Variants in NTN1 observed in about 807,000 individuals in gnomAD.
NTN1 encodes netrin-1.
NTN1 carries 11 observed loss-of-function variants against 54.2 expected under a neutral mutation model. The ratio of observed to expected loss-of-function variants is 0.20; its 90% confidence interval spans 0.13 to 0.34. The LOEUF (loss-of-function observed/expected upper bound fraction) is 0.34, where lower values mean the gene tolerates loss of function less well. NTN1 is among the 10% of genes least tolerant of loss of function. NTN1 has a pLI of 1.00. For synonymous variants in NTN1, 371 were observed against 382.0 expected, an observed-to-expected ratio of 0.97 and a Z score of 0.33; for missense variants, 740 against 893.1, an observed-to-expected ratio of 0.83 and a Z score of 2.18.
intron 5 of NTN1, among the ~76,000 whole-genome samples, chr17:9,185,623 AG>A (rs935091338): frequency 6.6e-6 from 1 of 152,066 alleles, no homozygotes. Context: ...GGAGGGAAAC[AG>A]GGAGGAAAGG....
At chr17:9,066,047 T>C (rs1461718888) in intron 2 of NTN1, among the ~76,000 whole-genome samples, 1 of 152,186 alleles carries the variant, frequency 6.6e-6, no homozygotes. Context: ...GCAATGTAAT[T>C]GTATTAATAA....
intron 2 of NTN1, among the ~76,000 whole-genome samples, chr17:9,060,994 AG>A (rs1406590413): frequency 6.7e-6 from 1 of 149,964 alleles, no homozygotes; most frequent in Non-Finnish European, 1.5e-5. Context: ...AAAAAAAAGT[AG>A]GCAACAAAGG....
At chr17:9,038,280 C>CACACACACACACACACA (rs1555563185) in intron 2 of NTN1, among the ~76,000 whole-genome samples, 1 of 151,110 alleles carries the variant, frequency 6.6e-6, no homozygotes, top group Non-Finnish European at 1.5e-5. Context: ...CACACACACA[C>CACACACACACACACACA]CTGAGATCAC....
In NTN1 at chr17:9,165,395, G is replaced by A. The variant is rs59578716; in HGVS notation, c.1207+2394G>A. On this transcript the variant is annotated intron_variant, in intron 3 of 6. Transcript: ENST00000173229. This position sits in a 1 kb window ranked among gnomAD's most constrained non-coding sequence, Gnocchi z 4.5. Reference sequence around the variant, plus strand: ...GTCTGCCACTCTGGCTGAATGGCATGATATTGCCCACCTTCCTTTACTGGT... The same window carrying A: ...GTCTGCCACTCTGGCTGAATGGCATAATATTGCCCACCTTCCTTTACTGGT... Among the ~76,000 whole-genome samples, 602 of 152,332 alleles carry A rather than the reference G, an allele frequency of 4.0e-3. 4 individuals are homozygous for A. Among genetic ancestry groups the A allele is most frequent in the African/African-American group, 0.013 (552 of 41,572 alleles).
chr17:9,058,660 A>AG (rs1187815941), intron 2 of NTN1, among the ~76,000 whole-genome samples: 3 of 150,900 alleles, frequency 2.0e-5, no homozygotes, highest in Non-Finnish European at 3.0e-5. Flanking sequence ...AAAAAAAAAA[A>AG]AAAAGAAAAG....
At chr17:9,026,395 G>T (rs550286697) in intron 2 of NTN1, among the ~76,000 whole-genome samples, 1 of 148,716 alleles carries the variant, frequency 6.7e-6, no homozygotes, top group East Asian at 1.9e-4. Context: ...TTCTTCCGGG[G>T]GGGGGGAACA....
At chr17:9,228,469 GC>G (rs1422603994) in intron 6 of NTN1, among the ~76,000 whole-genome samples, 4 of 152,142 alleles carry the variant, frequency 2.6e-5, no homozygotes, top group African/African-American at 9.7e-5. Context: ...ACACGCGGGG[GC>G]TCCCATCCAC....
intron 2 of NTN1, among the ~76,000 whole-genome samples, chr17:9,105,017 C>T (rs981255757): frequency 2.0e-5 from 3 of 152,084 alleles, no homozygotes; most frequent in South Asian, 2.1e-4. Flanking sequence ...TGGGTCTCAC[C>T]GTGGGAGCAG....
chr17:9,180,329 G>A (rs1364755770), intron 4 of NTN1, among the ~76,000 whole-genome samples: 2 of 152,212 alleles, frequency 1.3e-5, no homozygotes, highest in Non-Finnish European at 1.5e-5. Context: ...ATGAGCCACC[G>A]CGCCTGGCCC....
Position 9,240,537 on chromosome 17 carries a change from C to T in NTN1, c.*569C>T, listed in dbSNP as rs1201754255. 1 of 152,370 alleles carries T rather than the reference C, an allele frequency of 6.6e-6. No individual in the cohort carries two copies. Among genetic ancestry groups the T allele is most frequent in the Non-Finnish European group, 1.5e-5 (1 of 68,152 alleles). 9.4% of individuals were successfully genotyped at this position (152,370 alleles called of 1,614,324 possible). A position where few individuals can be genotyped will look rare whatever the true frequency, so the allele number is the denominator to read the frequency against. ...AGTTCCCCGCGGGCCACCTGGCTGT[C>T]ACAGCCTGGACTCCTCCATCTGAAG... On this transcript the variant is annotated 3_prime_UTR_variant, in exon 7 of 7. Transcript: ENST00000173229.
intron 2 of NTN1, among the ~76,000 whole-genome samples, chr17:9,154,093 G>C (rs531609954): frequency 6.6e-6 from 1 of 152,342 alleles, no homozygotes; most frequent in South Asian, 2.1e-4. Context: ...CCCTCTGGCT[G>C]GTCACTGCTG....
At chr17:9,130,272 G>A (rs992191436) in intron 2 of NTN1, among the ~76,000 whole-genome samples, 3 of 152,136 alleles carry the variant, frequency 2.0e-5, no homozygotes, top group African/African-American at 7.2e-5. Flanking sequence ...GGGTCCTCAG[G>A]CCAGCTCTCT....
intron 6 of NTN1, among the ~76,000 whole-genome samples, chr17:9,225,160 CAGG>C (rs946736464): frequency 3.9e-5 from 6 of 152,112 alleles, no homozygotes. Context: ...GAGGCTGAGG[CAGG>C]AGAATTGTTT....
intron 2 of NTN1, among the ~76,000 whole-genome samples, chr17:9,112,398 G>A (rs532069717): frequency 1.3e-5 from 2 of 152,282 alleles, no homozygotes; most frequent in South Asian, 4.2e-4. Context: ...TGGGCACAGA[G>A]AGGTGAAAAA....
chr17:9,123,959 A>C (rs1267423740), intron 2 of NTN1, among the ~76,000 whole-genome samples: 1 of 152,048 alleles, frequency 6.6e-6, no homozygotes, highest in Non-Finnish European at 1.5e-5. Flanking sequence ...AGAGTAAGTC[A>C]CCTGTTTTTT....
the NTN1 span, among the ~76,000 whole-genome samples, chr17:9,008,673 T>A: frequency 3.3e-5 from 5 of 152,136 alleles, no homozygotes; most frequent in Admixed American, 1.3e-4. Context: ...CACTTTAGGG[T>A]CTTCTGCATA....
At chr17:9,146,570 C>T (rs1428630978) in intron 2 of NTN1, among the ~76,000 whole-genome samples, 1 of 152,158 alleles carries the variant, frequency 6.6e-6, no homozygotes, top group Non-Finnish European at 1.5e-5. Flanking sequence ...TGCTGGTTAG[C>T]AGGGCTGGAG....
intron 5 of NTN1, among the ~76,000 whole-genome samples, chr17:9,188,855 G>A (rs1480151866): frequency 6.6e-6 from 1 of 152,156 alleles, no homozygotes; most frequent in African/African-American, 2.4e-5. Flanking sequence ...CAGGAGGGGG[G>A]ATCACTGGAG....
At chr17:9,041,045 T>C (rs2091919572) in intron 2 of NTN1, among the ~76,000 whole-genome samples, 1 of 152,196 alleles carries the variant, frequency 6.6e-6, no homozygotes, top group Non-Finnish European at 1.5e-5. Context: ...ACTCCTGGGT[T>C]CAAGTGATCC....
Sources: allele counts gnomAD v4.1 joint callset (sites outside exome capture counted in the v4.1 genomes callset), GRCh38; gene constraint gnomAD v4.1.1; non-coding constraint Gnocchi (gnomAD v3.1); transcripts MANE v1.5; gene names NCBI Gene and HGNC (gene_info 2026-07-23, HGNC 2026-07-21).